FAT3: variants seen among roughly 807,000 people sequenced by gnomAD.
FAT3 encodes FAT atypical cadherin 3.
In FAT3, 95 loss-of-function variants were observed where a neutral mutation model predicts 310.2. The ratio of observed to expected loss-of-function variants is 0.31; its 90% CI spans 0.26 to 0.36. The LOEUF is 0.36. Among genes scored for constraint, FAT3 ranks in the 10% least tolerant of loss-of-function variants. The pLI, the probability that FAT3 is intolerant of heterozygous loss-of-function variation, is 1.00. For synonymous variants in FAT3, 2,314 were observed against 2,192.9 expected (o/e 1.06, Z -1.54); for missense variants, 5,408 against 5,715.6 (o/e 0.95, Z 1.74).
At chr11:92,403,067 G>A (rs144825811) in intron 2 of FAT3, among the ~76,000 whole-genome samples, 22 of 152,172 alleles carry the variant, frequency 1.4e-4, no homozygotes, top group African/African-American at 3.9e-4. Context: ...TTACAGACAA[G>A]TTTACTTGCA....
At chr11:92,434,789 A>G (rs762183878) in intron 2 of FAT3, among the ~76,000 whole-genome samples, 2 of 152,220 alleles carry the variant, frequency 1.3e-5, no homozygotes, top group Non-Finnish European at 2.9e-5. Context: ...CTTGACATGT[A>G]GCAAGTTTCA....
Position 92,253,633 on chromosome 11 carries a change from G to A in FAT3, c.-18+28459G>A, listed in dbSNP as rs113585299. Among the ~76,000 whole-genome samples, 385 of 152,162 alleles carry A rather than the reference G, an allele frequency of 2.5e-3. 6 individuals are homozygous for A. Among genetic ancestry groups the A allele is most frequent in the African/African-American group, 9.0e-3 (374 of 41,532 alleles). On this transcript the variant is annotated intron_variant, in intron 1 of 27. Transcript: ENST00000525166. ...GGCTCTTTGGAAAGGAAACCAACTGGGAAGCTTAAGTATGTGGGATTTATA... is the reference window on the plus strand; with the variant it reads ...GGCTCTTTGGAAAGGAAACCAACTGAGAAGCTTAAGTATGTGGGATTTATA...
chr11:92,435,325 C>T (rs546269963), intron 2 of FAT3, among the ~76,000 whole-genome samples: 32 of 152,270 alleles, frequency 2.1e-4, no homozygotes, highest in Admixed American at 1.7e-3. Context: ...ACAGGCTTTT[C>T]CCTGATGTCT....
At chr11:92,717,279 G>C (rs1944719890) in intron 4 of FAT3, among the ~76,000 whole-genome samples, 1 of 152,178 alleles carries the variant, frequency 6.6e-6, no homozygotes. Context: ...GGCATTTTGA[G>C]GACTAGGAAA....
intron 17 of FAT3, among the ~76,000 whole-genome samples, chr11:92,839,689 A>G (rs1444799549): frequency 6.6e-6 from 1 of 152,200 alleles, no homozygotes; most frequent in Non-Finnish European, 1.5e-5. Context: ...CGATGGCATC[A>G]GGAGGCCTGA....
At chr11:92,435,624 G>A (rs1399205158) in intron 2 of FAT3, among the ~76,000 whole-genome samples, 1 of 146,488 alleles carries the variant, frequency 6.8e-6, no homozygotes, top group African/African-American at 2.5e-5. Flanking sequence ...GGAGTACAGT[G>A]GTGCCATCTT....
intron 4 of FAT3, among the ~76,000 whole-genome samples, chr11:92,735,381 A>G (rs780038740): frequency 6.6e-6 from 1 of 152,184 alleles, no homozygotes; most frequent in Non-Finnish European, 1.5e-5. Context: ...CATTAAGACC[A>G]TTCCATGAGG....
At chr11:92,600,624 T>G (rs1445116364) in intron 3 of FAT3, among the ~76,000 whole-genome samples, 1 of 152,202 alleles carries the variant, frequency 6.6e-6, no homozygotes, top group Non-Finnish European at 1.5e-5. Flanking sequence ...GGATGTGTTG[T>G]AAGTGCAGAA....
At chr11:92,610,203 G>C (rs1212915113) in intron 3 of FAT3, among the ~76,000 whole-genome samples, 1 of 152,164 alleles carries the variant, frequency 6.6e-6, no homozygotes, top group Non-Finnish European at 1.5e-5. Flanking sequence ...ATGAGAAGGG[G>C]TGTTTCAGTT....
At chr11:92,536,976 CATT>C (rs1954279338) in intron 3 of FAT3, among the ~76,000 whole-genome samples, 1 of 152,162 alleles carries the variant, frequency 6.6e-6, no homozygotes, top group African/African-American at 2.4e-5. Flanking sequence ...AAGTTTACTT[CATT>C]TCTATAGGCC....
chr11:92,465,653 A>G lies in FAT3; in HGVS notation c.3293-58981A>G, dbSNP rs376905541. 2.2e-3 allele frequency among the ~76,000 whole-genome samples: 336 copies of G among 152,262 alleles called. 3 individuals carry two copies. The highest frequency in any genetic ancestry group is 7.5e-3 in the African/African-American group (311 of 41,546). ...CCGCATGTTCTCACTCATAGGTGGGAATTGAACAATGAGAACACTTGGACA... is the reference window on the plus strand; with the variant it reads ...CCGCATGTTCTCACTCATAGGTGGGGATTGAACAATGAGAACACTTGGACA... On this transcript the variant is annotated intron_variant, in intron 2 of 27. Transcript: ENST00000525166.
At chr11:92,885,071 A>G (rs1591855727) in intron 24 of FAT3, among the ~76,000 whole-genome samples, 1 of 152,202 alleles carries the variant, frequency 6.6e-6, no homozygotes, top group Admixed American at 6.5e-5. Context: ...GAAACCGCCA[A>G]GGAGGACACA....
chr11:92,499,120 G>T (rs1952852568), intron 2 of FAT3, among the ~76,000 whole-genome samples: 1 of 151,982 alleles, frequency 6.6e-6, no homozygotes, highest in Non-Finnish European at 1.5e-5. Context: ...ACCTTGTGCT[G>T]GGTGCTGTTG....
intron 1 of FAT3, among the ~76,000 whole-genome samples, chr11:92,274,556 A>C (rs1009864836): frequency 6.6e-6 from 1 of 152,092 alleles, no homozygotes; most frequent in African/African-American, 2.4e-5. Context: ...TCAATTTTAA[A>C]GAATTTTCAA....
At chr11:92,395,165 A>G (rs1479699650) in intron 2 of FAT3, among the ~76,000 whole-genome samples, 1 of 152,146 alleles carries the variant, frequency 6.6e-6, no homozygotes, top group East Asian at 1.9e-4. Flanking sequence ...TTTTCCAGAT[A>G]TATTCTCTTT....
intron 3 of FAT3, among the ~76,000 whole-genome samples, chr11:92,567,194 A>G (rs1266488804): frequency 2.4e-5 from 1 of 41,142 alleles, no homozygotes; most frequent in African/African-American, 7.2e-5. Flanking sequence ...TTTACAAGAA[A>G]AAAACAAAAC....
chr11:92,535,958 A>G (rs962338234), intron 3 of FAT3, among the ~76,000 whole-genome samples: 1 of 152,280 alleles, frequency 6.6e-6, no homozygotes, highest in African/African-American at 2.4e-5. Flanking sequence ...TTCTGAAAGC[A>G]CTTTTTTAAA....
chr11:92,619,504 A>T (rs1435075389), intron 3 of FAT3, among the ~76,000 whole-genome samples: 1 of 152,094 alleles, frequency 6.6e-6, no homozygotes, highest in East Asian at 1.9e-4. Flanking sequence ...ATCTGTGGGA[A>T]GATTTTTTGT....
chr11:92,294,787 A>G (rs1406517088), intron 1 of FAT3, among the ~76,000 whole-genome samples: 1 of 150,588 alleles, frequency 6.6e-6, no homozygotes, highest in Non-Finnish European at 1.5e-5. Context: ...TGGAAAATGA[A>G]TAAATAAAAT....
Sources: gnomAD v4.1 joint callset for allele counts (sites outside exome capture counted in the v4.1 genomes callset) on GRCh38, gnomAD v4.1.1 for gene constraint, MANE v1.5 for transcripts, NCBI Gene and HGNC (gene_info 2026-07-23, HGNC 2026-07-21) for gene names.